The following PCDHA7 variants were observed in gnomAD, a reference collection of about 807,000 sequenced individuals.
The protein encoded by PCDHA7 is protocadherin alpha 7.
Under a neutral mutation model 57.2 loss-of-function variants are expected in PCDHA7, and 37 were observed. The ratio of observed to expected loss-of-function variants is 0.65; its 90% confidence interval spans 0.50 to 0.85. PCDHA7 has a LOEUF of 0.85. Ranked by LOEUF, PCDHA7 falls within the 40% of genes least tolerant of loss-of-function variation. The probability of loss-of-function intolerance (pLI) is 0.00; values close to 1 mark genes in which losing one functional copy is unlikely to be tolerated. For missense variants in PCDHA7, 1,188 were observed against 1,241.8 expected (o/e 0.96, Z 0.65); for synonymous variants, 553 against 558.8 (o/e 0.99, Z 0.15).
chr5:140,922,577 T>A (rs155818), intron 1 of PCDHA7, among the ~76,000 whole-genome samples: 2 of 152,016 alleles, frequency 1.3e-5, no homozygotes, highest in East Asian at 1.9e-4. Flanking sequence ...AGTTGCCCTG[T>A]AGCCGCCAGT....
chr5:140,926,813 T>C, intron 1 of PCDHA7: 1 of 1,463,920 alleles, frequency 6.8e-7, no homozygotes, highest in East Asian at 2.5e-5. Flanking sequence ...CCGCGGCTCG[T>C]GCTCTCCAGG....
At chr5:140,851,412 A>G in intron 1 of PCDHA7, 2 of 962,264 alleles carry the variant, frequency 2.1e-6, no homozygotes, top group East Asian at 1.1e-4. Context: ...TAAGAAAGAA[A>G]CTTCCCCTAA....
At chr5:140,922,866 GA>G (rs557650266) in intron 1 of PCDHA7, among the ~76,000 whole-genome samples, 2 of 152,096 alleles carry the variant, frequency 1.3e-5, no homozygotes, top group Non-Finnish European at 2.9e-5. Flanking sequence ...TAGACAAGGG[GA>G]AAAAATCCAA....
At chr5:140,850,853 G>T in intron 1 of PCDHA7, 1 of 1,595,240 alleles carries the variant, frequency 6.3e-7, no homozygotes, top group Non-Finnish European at 8.6e-7. Context: ...CAGAGCGAAC[G>T]GGAGAACCCT....
At chr5:140,960,067 A>T (rs1423900287) in intron 1 of PCDHA7, among the ~76,000 whole-genome samples, 1 of 152,228 alleles carries the variant, frequency 6.6e-6, no homozygotes, top group East Asian at 1.9e-4. Context: ...AGAAGATTCA[A>T]TTGAAGTTTC....
intron 3 of PCDHA7, among the ~76,000 whole-genome samples, chr5:141,001,534 G>A (rs2098024616): frequency 6.6e-6 from 1 of 152,180 alleles, no homozygotes; most frequent in African/African-American, 2.4e-5. Flanking sequence ...CTCTGATCCT[G>A]GACAGGATTT....
At chr5:140,932,028 G>A (rs1299372751) in intron 1 of PCDHA7, among the ~76,000 whole-genome samples, 1 of 151,864 alleles carries the variant, frequency 6.6e-6, no homozygotes, top group South Asian at 2.1e-4. Flanking sequence ...TAAGTTTACA[G>A]TATATATTAA....
chr5:140,915,957 T>G (rs1476969057), intron 1 of PCDHA7, among the ~76,000 whole-genome samples: 4 of 151,934 alleles, frequency 2.6e-5, no homozygotes, highest in African/African-American at 4.8e-5. Flanking sequence ...TACTTAGAAA[T>G]TTGCCTGATA....
rs193007351 is a variant in PCDHA7 at position 140,836,957 on chromosome 5, G to A, written c.2355+219G>A. The A allele has an allele frequency of 4.7e-4, 193 of 414,742 alleles. 3 individuals carry two copies. In the East Asian group the frequency reaches 5.2e-3, roughly 11 times the overall value. The allele number at this position is 414,742 out of a possible 1,614,324, so 25.7% of individuals were successfully genotyped here. On this transcript the variant is annotated intron_variant, in intron 1 of 3. Coordinates refer to ENST00000525929, the MANE Select transcript of PCDHA7 (RefSeq NM_018910.3). ...CTATAGATCAAAATCTATGGTTTATGTTGGCTACTCTCCATTTTTGGAGGA... is the reference window on the plus strand; with the variant it reads ...CTATAGATCAAAATCTATGGTTTATATTGGCTACTCTCCATTTTTGGAGGA...
intron 1 of PCDHA7, chr5:140,876,078 A>C (rs2056099570): frequency 6.2e-7 from 1 of 1,613,868 alleles, no homozygotes; most frequent in Non-Finnish European, 8.5e-7. Flanking sequence ...TATTGGACAG[A>C]GAGCAAACGC....
intron 1 of PCDHA7, 121 bp downstream of exon 1, chr5:140,836,859 A>G: frequency 1.3e-6 from 1 of 776,996 alleles, no homozygotes. Flanking sequence ...ATTATTTTTT[A>G]ATGTTATGCT....
intron 1 of PCDHA7, among the ~76,000 whole-genome samples, chr5:140,954,127 T>A (rs530320994): frequency 2.6e-5 from 4 of 152,372 alleles, no homozygotes; most frequent in Non-Finnish European, 5.9e-5. Context: ...TTCCTTTTTA[T>A]GGATGCATAG....
chr5:140,902,197 C>T (rs868992860), intron 1 of PCDHA7, among the ~76,000 whole-genome samples: 1 of 143,684 alleles, frequency 7.0e-6, no homozygotes, highest in African/African-American at 2.6e-5. Context: ...CTCTCTCTCT[C>T]TCTTTCTTTT....
intron 1 of PCDHA7, among the ~76,000 whole-genome samples, chr5:140,872,410 T>A (rs2053645814): frequency 6.6e-6 from 1 of 152,110 alleles, no homozygotes; most frequent in South Asian, 2.1e-4. Flanking sequence ...GAGAATTGCT[T>A]GAGCCCAAGA....
chr5:140,853,597 G>A lies in PCDHA7; in HGVS notation c.2355+16859G>A, dbSNP rs2042800183. 3.0e-6 allele frequency: 3 copies of A among 986,998 alleles called. 1 individual carries two copies. The highest frequency in any genetic ancestry group is 3.7e-6 in the Non-Finnish European group (3 of 819,142). The allele number at this position is 986,998 out of a possible 1,614,324, so 61.1% of individuals were successfully genotyped here. A position where few individuals can be genotyped will look rare whatever the true frequency, so the allele number is the denominator to read the frequency against. On this transcript the variant is annotated intron_variant, in intron 1 of 3. Transcript: ENST00000525929. ...ACCCAATATCTTAGACACTTTGAGA[G>A]CAAAGGGGGTGCTGTAAATAAGTAT... is the stretch of plus-strand genomic sequence containing the variant.
At chr5:140,993,345 C>T (rs557836440) in intron 3 of PCDHA7, among the ~76,000 whole-genome samples, 25 of 152,064 alleles carry the variant, frequency 1.6e-4, no homozygotes, top group African/African-American at 4.3e-4. Context: ...AAGGGCACTA[C>T]GAAGATCCTC....
At chr5:140,937,798 G>A (rs782138454) in intron 1 of PCDHA7, among the ~76,000 whole-genome samples, 1 of 151,676 alleles carries the variant, frequency 6.6e-6, no homozygotes, top group African/African-American at 2.4e-5. Flanking sequence ...TGTAGTCCCA[G>A]CTACTCGGGA....
In PCDHA7 at chr5:141,010,099, G is replaced by T; in HGVS notation, c.*162G>T. 5 of 1,612,768 alleles carry T rather than the reference G, an allele frequency of 3.1e-6. No individual in the cohort carries two copies. The highest frequency in any genetic ancestry group is 4.2e-6 in the Non-Finnish European group (5 of 1,179,316). On this transcript the variant is annotated 3_prime_UTR_variant, in exon 4 of 4. Coordinates refer to ENST00000525929, the MANE Select transcript of PCDHA7 (RefSeq NM_018910.3). ...GTGTCTGTCTAGAACGCATTTAACA[G>T]GTTTTGTCGTAAAAGCTTTACTAAG...
In PCDHA7 at chr5:140,836,541, G is replaced by A. The variant is rs2150263508; in HGVS notation, c.2158G>A (p.Ala720Thr). Residue 720 changes from alanine (A) to threonine (T), a missense_variant, in exon 1 of 4, where the codon GCG becomes ACG. By Grantham distance (58) the Ala-to-Thr change is moderately conservative (BLOSUM62 0). This residue lies in a region of PCDHA7 where 892 missense variants were observed against 788.5 expected (regional missense o/e 1.13). Coordinates refer to ENST00000525929, the MANE Select transcript of PCDHA7 (RefSeq NM_018910.3). ...LLVLTLLLYT[A>T]LRCSAPSSEG... ...GGTGCTTACCCTGCTGCTGTACACG[G>A]CGTTGCGGTGCTCAGCGCCGTCCTC... The A allele has an allele frequency of 1.2e-6, 2 of 1,613,818 alleles. No homozygotes were observed. Among genetic ancestry groups the A allele is most frequent in the Non-Finnish European group, 1.7e-6 (2 of 1,179,848 alleles).
Sources: gnomAD v4.1 joint callset for allele counts (sites outside exome capture counted in the v4.1 genomes callset) on GRCh38, gnomAD v4.1.1 for gene constraint, gnomAD v4.1.1 regional missense constraint, MANE v1.5 for transcripts, NCBI Gene and HGNC (gene_info 2026-07-23, HGNC 2026-07-21) for gene names.